Variants in SERPINE2 observed in about 807,000 individuals in gnomAD.
The protein encoded by SERPINE2 is serpin family E member 2, also known as glia-derived nexin.
Under a neutral mutation model 36.3 loss-of-function variants are expected in SERPINE2, and 14 were observed. The observed-to-expected ratio is 0.39, with a 90% CI of 0.25 to 0.60. The LOEUF (loss-of-function observed/expected upper bound fraction) is 0.60. Ranked by LOEUF, SERPINE2 falls within the 20% of genes least tolerant of loss-of-function variation. The pLI is 0.57. For synonymous variants in SERPINE2, 192 were observed against 191.8 expected (o/e 1.00, Z -0.01); for missense variants, 418 against 499.6 (o/e 0.84, Z 1.56).
intron 2 of SERPINE2, 33 bp from the exon 3 acceptor site, chr2:223,998,375 T>C: frequency 6.6e-7 from 1 of 1,515,476 alleles, no homozygotes; most frequent in Non-Finnish European, 9.1e-7. Context: ...CAGCAATACT[T>C]CCATAAGAAT....
chr2:223,981,302 C>T (rs1690219213), intron 6 of SERPINE2: 1 of 152,196 alleles, frequency 6.6e-6, no homozygotes, highest in Admixed American at 6.6e-5. Flanking sequence ...GAACACCCCC[C>T]ATTTAGTATT....
At chr2:224,021,162 C>T (rs907751449) in intron 1 of SERPINE2, among the ~76,000 whole-genome samples, 2 of 152,134 alleles carry the variant, frequency 1.3e-5, no homozygotes, top group African/African-American at 4.8e-5. Context: ...GTTGCCCTGG[C>T]GTTAGAAATG....
intron 4 of SERPINE2, among the ~76,000 whole-genome samples, chr2:223,990,051 C>T (rs1690599417): frequency 6.6e-6 from 1 of 152,040 alleles, no homozygotes; most frequent in Non-Finnish European, 1.5e-5. Flanking sequence ...GAAGCTGAAA[C>T]CTTTGGTAGA....
chr2:224,001,581 A>G lies in SERPINE2; in HGVS notation c.259+61T>C, dbSNP rs1574829438. The G allele has an allele frequency of 1.9e-6, 3 of 1,555,928 alleles. No homozygotes were observed. The East Asian group carries it at 6.8e-5, about 35-fold the overall frequency. On this transcript the variant is annotated intron_variant, in intron 2 of 8. Transcript: ENST00000409304. ...GTTGTCAGCAAAAACCAAGCCATAA[A>G]CCCTCCTGTCACAAGACTCTCAGGC...
chr2:224,001,989 T>C (rs1396373731), intron 1 of SERPINE2, 67 bp from the exon 2 acceptor site: 2 of 1,360,346 alleles, frequency 1.5e-6, no homozygotes, highest in East Asian at 2.5e-5. Flanking sequence ...TTTTTTTTTT[T>C]TCCCCCAGAT....
chr2:224,018,104 A>G (rs370994430), intron 1 of SERPINE2, among the ~76,000 whole-genome samples: 3 of 152,310 alleles, frequency 2.0e-5, no homozygotes, highest in South Asian at 4.1e-4. Context: ...TGCCCTCCCC[A>G]GGGGAAGCAG....
At chr2:223,996,136 G>C (rs1272881129) in intron 3 of SERPINE2, among the ~76,000 whole-genome samples, 4 of 152,130 alleles carry the variant, frequency 2.6e-5, no homozygotes, top group African/African-American at 9.7e-5. Context: ...CACACGTGGG[G>C]GTTTTCTCCA....
At chr2:223,998,079 A>G in intron 3 of SERPINE2, 36 bp downstream of exon 3, 1 of 1,536,796 alleles carries the variant, frequency 6.5e-7, no homozygotes, top group Non-Finnish European at 9.0e-7. Flanking sequence ...TTCATTCACA[A>G]ACTATGCAAT....
chr2:223,977,702 G>T, intron 7 of SERPINE2, 75 bp from the exon 8 acceptor site: 1 of 954,012 alleles, frequency 1.0e-6, no homozygotes, highest in Non-Finnish European at 1.7e-6. Flanking sequence ...AAGTTAGCTA[G>T]CTTCATGGAC....
chr2:224,026,084 G>A (rs1692171889), intron 1 of SERPINE2, among the ~76,000 whole-genome samples: 1 of 152,176 alleles, frequency 6.6e-6, no homozygotes, highest in Non-Finnish European at 1.5e-5. Flanking sequence ...TCTCCCATAT[G>A]CAGTCCTCCA....
At chr2:224,025,370 G>A (rs1298657041) in intron 1 of SERPINE2, among the ~76,000 whole-genome samples, 2 of 152,186 alleles carry the variant, frequency 1.3e-5, no homozygotes, top group Non-Finnish European at 2.9e-5. Context: ...TTGCAAGAGT[G>A]AGGCTCCCCT....
At chr2:224,005,065 T>TTA (rs71058976) in intron 1 of SERPINE2, among the ~76,000 whole-genome samples, 1,302 of 33,322 alleles carry the variant, frequency 0.039, 23 homozygotes, top group African/African-American at 0.11. Context: ...TTTATATATA[T>TTA]TATATATATA....
chr2:223,991,632 AAC>A (rs1362807412), intron 4 of SERPINE2, among the ~76,000 whole-genome samples, 169 bp downstream of exon 4: 1 of 152,200 alleles, frequency 6.6e-6, no homozygotes, highest in Non-Finnish European at 1.5e-5. Flanking sequence ...TTTTGTACAT[AAC>A]ACAGATTTAC....
intron 1 of SERPINE2, among the ~76,000 whole-genome samples, chr2:224,032,176 G>C (rs1489222931): frequency 6.6e-6 from 1 of 152,198 alleles, no homozygotes; most frequent in East Asian, 1.9e-4. Context: ...AATTTTAGTA[G>C]AGGAAGCAAA....
intron 1 of SERPINE2, chr2:224,038,733 AGGGTCAG>A (rs1413574657): frequency 1.2e-5 from 7 of 591,822 alleles, no homozygotes; most frequent in African/African-American, 3.7e-5. Flanking sequence ...CCTCAGGTTC[AGGGTCAG>A]GGCCGGCTCG....
chr2:223,991,815 C>A lies in SERPINE2; in HGVS notation c.673G>T (p.Val225Leu). ...AGCATGAACTCACCACACCGGAACACGGAGAGCTGGGCCAGCATTGGCACT... is the reference window on the plus strand; with the variant it reads ...AGCATGAACTCACCACACCGGAACAAGGAGAGCTGGGCCAGCATTGGCACT... Reference protein sequence around the residue: ...YQVPMLAQLSVFRCGSTSAPN... With the variant: ...YQVPMLAQLSLFRCGSTSAPN... The change falls in exon 4 of 9, where the codon GTG becomes TTG. Residue 225 changes from valine (V) to leucine (L), a missense_variant. Coordinates refer to ENST00000409304, the MANE Select transcript of SERPINE2 (RefSeq NM_001136528.2). 6.2e-7 allele frequency: 1 copy of A among 1,613,920 alleles called. No homozygotes were observed. Among genetic ancestry groups the A allele is most frequent in the South Asian group, 1.1e-5 (1 of 91,064 alleles).
chr2:224,016,445 G>A (rs2106185895), intron 1 of SERPINE2, among the ~76,000 whole-genome samples: 1 of 151,456 alleles, frequency 6.6e-6, no homozygotes, highest in African/African-American at 2.4e-5. Flanking sequence ...GATGGAGGTT[G>A]CAGTGAGCCG....
intron 1 of SERPINE2, among the ~76,000 whole-genome samples, chr2:224,018,521 T>C (rs1691875812): frequency 6.6e-6 from 1 of 151,318 alleles, no homozygotes; most frequent in Non-Finnish European, 1.5e-5. Context: ...CAATGGTAAC[T>C]GGAAGATGAG....
At chr2:223,989,871 G>C (rs1238765411) in intron 4 of SERPINE2, among the ~76,000 whole-genome samples, 3 of 152,166 alleles carry the variant, frequency 2.0e-5, no homozygotes, top group Non-Finnish European at 2.9e-5. Context: ...GGCCATTTAA[G>C]CAGAATTTGA....
Sources: allele counts gnomAD v4.1 joint callset (sites outside exome capture counted in the v4.1 genomes callset), GRCh38; gene constraint gnomAD v4.1.1; transcripts MANE v1.5; gene names NCBI Gene and HGNC (gene_info 2026-07-23, HGNC 2026-07-21).